The following COG6 variants were observed in gnomAD, a reference collection of about 807,000 sequenced individuals.
COG6 encodes the protein component of oligomeric golgi complex 6.
Under a neutral mutation model 88.8 loss-of-function variants are expected in COG6, and 74 were observed. That is an observed-to-expected ratio of 0.83 (90% CI 0.69 to 1.01). The LOEUF is 1.01. COG6 is among the 50% of genes least tolerant of loss of function. The probability of loss-of-function intolerance (pLI) is 0.00; values close to 1 mark genes in which losing one functional copy is unlikely to be tolerated. For missense variants in COG6, 800 were observed against 797.9 expected (o/e 1.00, Z -0.03); for synonymous variants, 286 against 278.7 (o/e 1.03, Z -0.26).
At chr13:39,729,793 A>G (rs993417241) in intron 18 of COG6, among the ~76,000 whole-genome samples, 3 of 152,214 alleles carry the variant, frequency 2.0e-5, no homozygotes, top group Non-Finnish European at 4.4e-5. Context: ...ATCTTTTCAA[A>G]GAGCAGTTTG....
At chr13:39,781,917 T>G (rs957421737) in intron 18 of COG6, among the ~76,000 whole-genome samples, 3 of 152,250 alleles carry the variant, frequency 2.0e-5, no homozygotes, top group Non-Finnish European at 4.4e-5. Flanking sequence ...TATATTTGGT[T>G]GTTTTATAAT....
At chr13:39,757,315 A>G (rs1286210356), downstream of COG6, among the ~76,000 whole-genome samples, 3 of 152,204 alleles carry the variant, frequency 2.0e-5, no homozygotes, top group Non-Finnish European at 4.4e-5. Flanking sequence ...AAATCTTATG[A>G]AATGCAGCAA....
intron 18 of COG6, among the ~76,000 whole-genome samples, chr13:39,734,005 C>T (rs1879600149): frequency 6.6e-6 from 1 of 151,944 alleles, no homozygotes; most frequent in Non-Finnish European, 1.5e-5. Context: ...TTATTTGGAT[C>T]TTCTGGTTCT....
In COG6 at chr13:39,752,006, G is replaced by A; in HGVS notation, c.*913G>A. ...ATTGGAGAAAAAAACTGCCAGAGGA[G>A]GAGTTGCCAATTGGCAGTGTGTCTT... On this transcript the variant is annotated 3_prime_UTR_variant, in exon 19 of 19. Transcript: ENST00000455146. The A allele has an allele frequency of 2.4e-6, 3 of 1,254,010 alleles. No individual in the cohort carries two copies. Among genetic ancestry groups the A allele is most frequent in the Non-Finnish European group, 3.1e-6 (3 of 958,408 alleles). The allele number at this position is 1,254,010 out of a possible 1,614,324, so 77.7% of individuals were successfully genotyped here. A position where few individuals can be genotyped will look rare whatever the true frequency, so the allele number is the denominator to read the frequency against.
chr13:39,696,802 G>T (rs1258623388), intron 12 of COG6, among the ~76,000 whole-genome samples: 1 of 151,406 alleles, frequency 6.6e-6, no homozygotes, highest in African/African-American at 2.4e-5. Context: ...ATCATGTAGT[G>T]TAGTGAGACA....
chr13:39,757,372 T>G (rs1295356708), downstream of COG6, among the ~76,000 whole-genome samples: 11 of 151,488 alleles, frequency 7.3e-5, no homozygotes, highest in Admixed American at 5.9e-4. Flanking sequence ...GAGAAAGAAA[T>G]AAATTAACCT....
chr13:39,705,242 G>A (rs940971104), intron 13 of COG6, among the ~76,000 whole-genome samples: 1 of 152,248 alleles, frequency 6.6e-6, no homozygotes, highest in Admixed American at 6.5e-5. Context: ...TAGCCAGAGA[G>A]GAATTTTTAA....
Position 39,719,761 on chromosome 13 carries a change from T to C in COG6, c.1518T>C (p.Tyr506=). ...DMATFMVNSL[Y]MMKTTLALFE... is the part of the protein sequence containing the mutation. Reference sequence around the variant, plus strand: ...CCACTTTCATGGTCAATTCACTATATATGATGAAGACAACATTAGCTCTAT... The same window carrying C: ...CCACTTTCATGGTCAATTCACTATACATGATGAAGACAACATTAGCTCTAT... The change falls in exon 15 of 19, where the codon TAT becomes TAC. Residue 506 remains tyrosine, a synonymous_variant. Coordinates refer to ENST00000455146, the MANE Select transcript of COG6 (RefSeq NM_020751.3). 6.2e-7 allele frequency: 1 copy of C among 1,612,600 alleles called. No homozygotes were observed. The highest frequency in any genetic ancestry group is 8.5e-7 in the Non-Finnish European group (1 of 1,178,880).
At chr13:39,698,337 A>G (rs1877389691) in intron 12 of COG6, among the ~76,000 whole-genome samples, 1 of 151,936 alleles carries the variant, frequency 6.6e-6, no homozygotes, top group East Asian at 1.9e-4. Context: ...CATGTGTGGG[A>G]ATTCTATCCA....
intron 18 of COG6, among the ~76,000 whole-genome samples, chr13:39,773,891 A>G (rs1315446230): frequency 2.1e-5 from 3 of 141,550 alleles, no homozygotes; most frequent in Admixed American, 7.4e-5. Context: ...TTTTTACCCA[A>G]TCATGTCTAA....
intron 18 of COG6, among the ~76,000 whole-genome samples, chr13:39,774,375 ATATT>A (rs1169076953): frequency 6.6e-6 from 1 of 152,124 alleles, no homozygotes; most frequent in Admixed American, 6.5e-5. Flanking sequence ...TATGAGAACT[ATATT>A]TAGTATTTGT....
intron 18 of COG6, among the ~76,000 whole-genome samples, chr13:39,761,635 G>C (rs1881017821): frequency 6.6e-6 from 1 of 151,584 alleles, no homozygotes; most frequent in African/African-American, 2.4e-5. Flanking sequence ...ATCTGACAAG[G>C]GATTAATATT....
chr13:39,712,013 C>T (rs1878270313), intron 13 of COG6, among the ~76,000 whole-genome samples: 1 of 152,144 alleles, frequency 6.6e-6, no homozygotes, highest in Admixed American at 6.6e-5. Context: ...GTATGCGCCA[C>T]CATGCCCAGC....
chr13:39,706,255 T>TTATATATATATATACTCCTTTA (rs1877902300), intron 13 of COG6, among the ~76,000 whole-genome samples: 3 of 114,672 alleles, frequency 2.6e-5, no homozygotes, highest in Non-Finnish European at 5.4e-5. Flanking sequence ...ATATACTCCT[T>TTATATATATATATACTCCTTTA]TATATATATA....
In COG6 at chr13:39,719,780, G is replaced by T. The variant is rs1365096610; in HGVS notation, c.1537G>T (p.Ala513Ser). Residue 513 changes from alanine to serine, a missense_variant, in exon 15 of 19, where the codon GCT becomes TCT. Ala to Ser is a moderately conservative substitution (Grantham distance 99). Transcript: ENST00000455146. ...NSLYMMKTTLALFEFTDRRLE... is the reference protein window; with the variant it reads ...NSLYMMKTTLSLFEFTDRRLE... Reference sequence around the variant, plus strand: ...ACTATATATGATGAAGACAACATTAGCTCTATTTGAATTCACTGACAGACG... The same window carrying T: ...ACTATATATGATGAAGACAACATTATCTCTATTTGAATTCACTGACAGACG... 1 of 1,612,674 alleles carries T rather than the reference G, an allele frequency of 6.2e-7. No individual in the cohort carries two copies.
chr13:39,767,143 C>T (rs527399610), intron 18 of COG6, among the ~76,000 whole-genome samples: 1 of 152,274 alleles, frequency 6.6e-6, no homozygotes, highest in South Asian at 2.1e-4. Context: ...AATAAGCACT[C>T]TGCATATTTT....
intron 12 of COG6, among the ~76,000 whole-genome samples, chr13:39,698,149 A>G (rs1183225886): frequency 4.6e-5 from 7 of 151,752 alleles, no homozygotes; most frequent in Non-Finnish European, 8.8e-5. Flanking sequence ...AGATCTGAAT[A>G]ACTGCAAAGT....
In COG6 at chr13:39,722,824, A is replaced by G. The variant is rs530052390; in HGVS notation, c.1585-509A>G. On this transcript the variant is annotated intron_variant, in intron 15 of 18. Transcript: ENST00000455146. Reference sequence around the variant, plus strand: ...ACCTGAAATCTTTAGTCAAGTTTCTACTGGGCCCTCAGCTCTTCCCTACTT... The same window carrying G: ...ACCTGAAATCTTTAGTCAAGTTTCTGCTGGGCCCTCAGCTCTTCCCTACTT... Among the ~76,000 whole-genome samples the G allele has an allele frequency of 3.9e-3, 599 of 152,094 alleles. 5 individuals are homozygous for G. Among genetic ancestry groups the G allele is most frequent in the African/African-American group, 4.9e-3 (202 of 41,512 alleles).
intron 13 of COG6, among the ~76,000 whole-genome samples, chr13:39,704,638 T>A (rs1414098875): frequency 6.6e-6 from 1 of 151,964 alleles, no homozygotes; most frequent in Non-Finnish European, 1.5e-5. Flanking sequence ...GGTTTAAACA[T>A]GTGTTGTTTA....
Sources: gnomAD v4.1 joint callset for allele counts (sites outside exome capture counted in the v4.1 genomes callset) on GRCh38, gnomAD v4.1.1 for gene constraint, MANE v1.5 for transcripts, NCBI Gene and HGNC (gene_info 2026-07-23, HGNC 2026-07-21) for gene names.